The following CCSER2 variants were observed in gnomAD, a reference collection of about 807,000 sequenced individuals.
CCSER2 encodes the protein serine-rich coiled-coil domain-containing protein 2.
CCSER2 carries 46 observed loss-of-function variants against 92.3 expected under a neutral mutation model. The observed-to-expected ratio is 0.50, with a 90% CI of 0.39 to 0.64. CCSER2 has a LOEUF of 0.64. CCSER2 is among the 30% of genes least tolerant of loss of function. CCSER2 has a pLI of 0.00. For missense variants in CCSER2, 1,244 were observed against 1,238.9 expected (o/e 1.00, Z -0.06); for synonymous variants, 433 against 431.4 (o/e 1.00, Z -0.04).
rs1564667385 is a variant in CCSER2 at position 84,441,734 on chromosome 10, A to ATTTTTTTTTTTTTTTTTTTTTTTTT, written c.2064+3028_2064+3029insTTTTTTTTTTTTTTTTTTTTTTTTT. ...GGGAATAAAGTAGAAGACTGGGAAA[A>ATTTTTTTTTTTTTTTTTTTTTTTTT]TGTTTTTTTTTTTTTTTTTTTTTTT... On this transcript the variant is annotated intron_variant, in intron 6 of 9. Transcript: ENST00000372088. 8.5e-5 allele frequency among the ~76,000 whole-genome samples: 9 copies of ATTTTTTTTTTTTTTTTTTTTTTTTT among 106,448 alleles called. 2 individuals are homozygous for ATTTTTTTTTTTTTTTTTTTTTTTTT. Among genetic ancestry groups the ATTTTTTTTTTTTTTTTTTTTTTTTT allele is most frequent in the South Asian group, 3.4e-4 (1 of 2,964 alleles). The allele number at this position is 106,448 out of a possible 152,430, so 69.8% of individuals were successfully genotyped here.
At chr10:84,436,359 G>GGC (rs1007610314) in intron 5 of CCSER2, among the ~76,000 whole-genome samples, 2 of 112,476 alleles carry the variant, frequency 1.8e-5, no homozygotes, top group African/African-American at 7.5e-5. Context: ...AAAAATGCCG[G>GGC]GCGCGGTGTC....
At chr10:84,407,754 A>G (rs1286861359) in intron 3 of CCSER2, among the ~76,000 whole-genome samples, 1 of 152,240 alleles carries the variant, frequency 6.6e-6, no homozygotes, top group Admixed American at 6.5e-5. Flanking sequence ...TCCTGTACCC[A>G]GGTTAGTGCT....
At chr10:84,457,622 ATT>A (rs1845834107) in intron 6 of CCSER2, among the ~76,000 whole-genome samples, 5 of 89,938 alleles carry the variant, frequency 5.6e-5, no homozygotes, top group Admixed American at 1.9e-4. Context: ...ATAATTATAT[ATT>A]TATATATTAT....
chr10:84,370,913 G>A (rs1048762412), intron 1 of CCSER2, 101 bp from the exon 2 acceptor site: 4 of 506,426 alleles, frequency 7.9e-6, no homozygotes, highest in African/African-American at 2.0e-5. Flanking sequence ...GTAGCTTTTG[G>A]GTTTTTCTGC....
chr10:84,486,513 A>G (rs1221672632), intron 9 of CCSER2, among the ~76,000 whole-genome samples: 2 of 152,010 alleles, frequency 1.3e-5, no homozygotes, highest in East Asian at 3.9e-4. Context: ...AGCTTTTTTC[A>G]TGTGTCTGTT....
chr10:84,511,515 A>AT (rs1235989284), intron 9 of CCSER2, among the ~76,000 whole-genome samples: 1 of 152,230 alleles, frequency 6.6e-6, no homozygotes, highest in African/African-American at 2.4e-5. Flanking sequence ...ACATATTACA[A>AT]TAAAGTCCAT....
Position 84,517,139 on chromosome 10 carries a change from A to G in CCSER2, c.*2872A>G, listed in dbSNP as rs1327779360. The G allele has an allele frequency of 6.6e-6, 1 of 152,212 alleles. No individual in the cohort carries two copies. The highest frequency in any genetic ancestry group is 1.5e-5 in the Non-Finnish European group (1 of 68,030). The allele number at this position is 152,212 out of a possible 1,614,324, so 9.4% of individuals were successfully genotyped here. On this transcript the variant is annotated 3_prime_UTR_variant, in exon 10 of 10. Coordinates refer to ENST00000372088, the MANE Select transcript of CCSER2 (RefSeq NM_001284240.2). Reference sequence around the variant, plus strand: ...TCTAGTGGTATCAATGAAGATAGTTACAGTATATGAATTCTAAGTCCTGAG... The same window carrying G: ...TCTAGTGGTATCAATGAAGATAGTTGCAGTATATGAATTCTAAGTCCTGAG...
chr10:84,514,068 G>A lies in CCSER2; in HGVS notation c.2945G>A (p.Arg982His), dbSNP rs1564740954. ...NNQNLKASKL[R>H]PPSGSFKQKQ... The stretch of plus-strand genomic sequence containing the variant: ...CAGAATCTGAAAGCATCTAAGCTCC[G>A]CCCCCCCTCAGGCTCTTTCAAACAA... Residue 982 changes from arginine (R) to histidine (H), a missense_variant, in exon 10 of 10, where the codon CGC becomes CAC. By Grantham distance (29) the Arg-to-His change is conservative (BLOSUM62 0). Coordinates refer to ENST00000372088, the MANE Select transcript of CCSER2 (RefSeq NM_001284240.2). The A allele has an allele frequency of 8.5e-6, 13 of 1,535,920 alleles. No homozygotes were observed. The highest frequency in any genetic ancestry group is 2.4e-5 in the East Asian group (1 of 40,896).
intron 9 of CCSER2, among the ~76,000 whole-genome samples, chr10:84,491,846 T>C (rs1848188287): frequency 6.6e-6 from 1 of 152,206 alleles, no homozygotes; most frequent in African/African-American, 2.4e-5. Flanking sequence ...CTGGGAGCTG[T>C]AGACTGGAGC....
At chr10:84,357,476 GTC>G (rs113061310) in intron 1 of CCSER2, among the ~76,000 whole-genome samples, 1 of 141,690 alleles carries the variant, frequency 7.1e-6, no homozygotes, top group African/African-American at 2.6e-5. Flanking sequence ...TTGAGACGGA[GTC>G]TCTCTCTGTC....
rs902021226 is a variant in CCSER2, at chr10:84,429,578, C to T, written c.1868+3685C>T. On this transcript the variant is annotated intron_variant, in intron 5 of 9. Coordinates refer to ENST00000372088, the MANE Select transcript of CCSER2 (RefSeq NM_001284240.2). ...CGGCTGTTAATGTTACTGAGCGTGT[C>T]TTCCACATGATGAGTCCCCCCGCCC... Among the ~76,000 whole-genome samples the T allele has an allele frequency of 2.0e-5, 3 of 151,834 alleles. No individual in the cohort carries two copies. The East Asian group carries it at 5.8e-4, about 29-fold the overall frequency.
At chr10:84,473,886 A>G (rs1208482993) in intron 8 of CCSER2, among the ~76,000 whole-genome samples, 1 of 152,198 alleles carries the variant, frequency 6.6e-6, no homozygotes, top group East Asian at 1.9e-4. Context: ...CCTTTCAGTT[A>G]TAGCCTTCTA....
chr10:84,455,455 T>C (rs2133607908), intron 6 of CCSER2: 1 of 267,954 alleles, frequency 3.7e-6, no homozygotes, highest in Admixed American at 5.0e-5. Context: ...TTTGTACTTT[T>C]AGTAGAGACG....
chr10:84,332,412 T>TATATATA (rs1554828779), intron 1 of CCSER2, among the ~76,000 whole-genome samples: 31 of 82,258 alleles, frequency 3.8e-4, no homozygotes, highest in African/African-American at 1.8e-3. Context: ...ATTTATTTTT[T>TATATATA]TATATATATA....
chr10:84,429,811 G>T (rs1015633513), intron 5 of CCSER2, among the ~76,000 whole-genome samples: 3 of 150,072 alleles, frequency 2.0e-5, no homozygotes, highest in African/African-American at 7.4e-5. Context: ...TCCCCACTTC[G>T]CTCTGGCCAC....
intron 7 of CCSER2, among the ~76,000 whole-genome samples, chr10:84,464,379 T>C (rs1254836969): frequency 6.6e-6 from 1 of 152,198 alleles, no homozygotes; most frequent in African/African-American, 2.4e-5. Context: ...ATGAGATTAA[T>C]TTCTTTTTTC....
intron 3 of CCSER2, among the ~76,000 whole-genome samples, chr10:84,407,873 C>T (rs962202722): frequency 1.3e-5 from 2 of 152,092 alleles, no homozygotes; most frequent in African/African-American, 4.8e-5. Flanking sequence ...CACACATGTA[C>T]CAAAAGTATT....
chr10:84,436,943 T>C (rs1324223794), intron 5 of CCSER2, among the ~76,000 whole-genome samples: 1 of 152,194 alleles, frequency 6.6e-6, no homozygotes. Context: ...GTTTTCAATA[T>C]GGTTGAAATT....
chr10:84,463,810 T>G (rs1484814023), intron 6 of CCSER2, 123 bp from the exon 7 acceptor site: 9 of 617,938 alleles, frequency 1.5e-5, no homozygotes, highest in South Asian at 2.2e-5. Context: ...CTCCCATTTG[T>G]TCTTCACCAT....
Sources: gnomAD v4.1 joint callset for allele counts (sites outside exome capture counted in the v4.1 genomes callset) on GRCh38, gnomAD v4.1.1 for gene constraint, MANE v1.5 for transcripts, NCBI Gene and HGNC (gene_info 2026-07-23, HGNC 2026-07-21) for gene names.